IGSF10: variants seen among roughly 807,000 people sequenced by gnomAD.
The protein encoded by IGSF10 is immunoglobulin superfamily member 10, also known as calvaria mechanical force protein 608.
In IGSF10, 126 loss-of-function variants were observed where a neutral mutation model predicts 128.2. The ratio of observed to expected loss-of-function variants is 0.98; its 90% CI spans 0.85 to 1.14. The LOEUF (loss-of-function observed/expected upper bound fraction) is 1.14. Ranked by LOEUF, IGSF10 falls within the 50% of genes most tolerant of loss-of-function variation. The pLI, the probability that IGSF10 is intolerant of heterozygous loss-of-function variation, is 0.00. For synonymous variants in IGSF10, 1,185 were observed against 1,146.2 expected (o/e 1.03, Z -0.68); for missense variants, 3,295 against 3,149.8 (o/e 1.05, Z -1.10).
At chr3:151,520,642 GC>G in the IGSF10 span, among the ~76,000 whole-genome samples, 1 of 151,848 alleles carries the variant, frequency 6.6e-6, no homozygotes, top group South Asian at 2.1e-4. Context: ...AGCTTCCCAG[GC>G]AAAGGAGAAA....
chr3:151,561,113 A>G, the IGSF10 span, among the ~76,000 whole-genome samples: 7 of 152,172 alleles, frequency 4.6e-5, no homozygotes, highest in Non-Finnish European at 1.0e-4. Flanking sequence ...GTTTTCTGTC[A>G]AACATATTAG....
At chr3:151,488,117 C>G in the IGSF10 span, among the ~76,000 whole-genome samples, 2 of 152,114 alleles carry the variant, frequency 1.3e-5, no homozygotes, top group African/African-American at 2.4e-5. Context: ...AGCTGATAAG[C>G]AACTTCAGCA....
rs1199920342 is a variant in IGSF10 at position 151,436,874 on chromosome 3, C to T, written c.7687G>A (p.Glu2563Lys). The change falls in exon 8 of 8, where the codon GAG becomes AAG. Residue 2563 changes from glutamate to lysine, a missense_variant. Transcript: ENST00000282466. The stretch of plus-strand genomic sequence containing the variant: ...GAGAGAAGGGAGTGGTCAGGCATCT[C>T]CCATGTGATTTCTGGCTTGGGAACT... ...LGVPKPEITW[E>K]MPDHSLLSTA... 1.9e-6 allele frequency: 3 copies of T among 1,614,146 alleles called. No homozygotes were observed. The South Asian group carries it at 3.3e-5, about 18-fold the overall frequency.
chr3:151,474,658 A>G, the IGSF10 span, among the ~76,000 whole-genome samples: 1 of 152,224 alleles, frequency 6.6e-6, no homozygotes. Flanking sequence ...TTCAGTTCAT[A>G]TTAGTCCATT....
In IGSF10 at chr3:151,437,087, C is replaced by T; in HGVS notation, c.7474G>A (p.Val2492Ile). 6.2e-7 allele frequency: 1 copy of T among 1,614,178 alleles called. No homozygotes were observed. The change falls in exon 8 of 8, where the codon GTC becomes ATC. Residue 2492 changes from valine (V) to isoleucine (I), a missense_variant. Physicochemically the swap from Val to Ile is conservative, Grantham distance 29. Coordinates refer to ENST00000282466, the MANE Select transcript of IGSF10 (RefSeq NM_178822.5). ...KYILHDNGTL[V>I]IKEATAYDRG... ...TCATAAGCTGTTGCTTCTTTAATGA[C>T]TAAGGTGCCATTGTCATGCAATATG...
At chr3:151,477,461 C>T in the IGSF10 span, among the ~76,000 whole-genome samples, 1 of 152,122 alleles carries the variant, frequency 6.6e-6, no homozygotes, top group Non-Finnish European at 1.5e-5. Flanking sequence ...GATTTATCTT[C>T]ATATACATAA....
At chr3:151,558,029 T>TATATATATATAATATATATATATATTG in the IGSF10 span, among the ~76,000 whole-genome samples, 1 of 65,142 alleles carries the variant, frequency 1.5e-5, no homozygotes, top group East Asian at 3.8e-4. Context: ...ATATATATAT[T>TATATATATATAATATATATATATATTG]GGTACAATAT....
At position 151,437,207 on chromosome 3, in the gene IGSF10, G is replaced by GTGAT. The variant is rs570110855; in HGVS notation, c.7350_7353dup (p.Leu2452IlefsTer7). 1.5e-3 allele frequency: 2,430 copies of GTGAT among 1,614,186 alleles called. 2 individuals carry two copies. The highest frequency in any genetic ancestry group is 1.7e-3 in the Non-Finnish European group (1,980 of 1,180,034). ...GGGATTCCATCAGACACACAATGCA[G>GTGAT]TGATAGAGATTCTCCACTGATGCCT... On this transcript the variant is annotated frameshift_variant, in exon 8 of 8. Transcript: ENST00000282466. LOFTEE classifies it low-confidence loss of function (END_TRUNC).
chr3:151,618,411 T>C, the IGSF10 span, among the ~76,000 whole-genome samples: 2 of 152,188 alleles, frequency 1.3e-5, no homozygotes, highest in African/African-American at 2.4e-5. Context: ...AACTATTTAG[T>C]AATGGACATA....
the IGSF10 span, among the ~76,000 whole-genome samples, chr3:151,569,386 A>G: frequency 6.6e-6 from 1 of 152,270 alleles, no homozygotes; most frequent in South Asian, 2.1e-4. Flanking sequence ...CATCTTTTGA[A>G]TATCACTTGT....
At chr3:151,489,863 T>G in the IGSF10 span, among the ~76,000 whole-genome samples, 1 of 152,032 alleles carries the variant, frequency 6.6e-6, no homozygotes, top group African/African-American at 2.4e-5. Context: ...GGAGAAATAC[T>G]TAATGTAGAT....
the IGSF10 span, among the ~76,000 whole-genome samples, chr3:151,570,022 A>C: frequency 6.6e-6 from 1 of 152,054 alleles, no homozygotes; most frequent in Admixed American, 6.5e-5. Flanking sequence ...GCTGAGAATG[A>C]TGGTTTCTAG....
chr3:151,541,309 C>A, the IGSF10 span, among the ~76,000 whole-genome samples: 1 of 152,100 alleles, frequency 6.6e-6, no homozygotes, highest in African/African-American at 2.4e-5. Flanking sequence ...GACAGTATAT[C>A]TTTACATTAT....
the IGSF10 span, among the ~76,000 whole-genome samples, chr3:151,572,062 G>A: frequency 6.6e-6 from 1 of 152,206 alleles, no homozygotes; most frequent in South Asian, 2.1e-4. Context: ...GCATCCCAGG[G>A]ATGAAGGCGA....
At chr3:151,596,294 G>GT in the IGSF10 span, among the ~76,000 whole-genome samples, 1 of 152,140 alleles carries the variant, frequency 6.6e-6, no homozygotes, top group Non-Finnish European at 1.5e-5. Context: ...AGGAGACCCT[G>GT]TGTGAGATGC....
chr3:151,463,528 T>TTTTTTTTGTTTTTTTTTG (rs1560185445), upstream of IGSF10, among the ~76,000 whole-genome samples: 1 of 56,728 alleles, frequency 1.8e-5, no homozygotes, highest in Non-Finnish European at 3.2e-5. Flanking sequence ...TTCTGGTTTT[T>TTTTTTTTGTTTTTTTTTG]TTTTTTTTTT....
At chr3:151,545,677 T>C in the IGSF10 span, among the ~76,000 whole-genome samples, 1 of 152,214 alleles carries the variant, frequency 6.6e-6, no homozygotes, top group African/African-American at 2.4e-5. Flanking sequence ...CATCTGTTTG[T>C]TATTTATTTA....
the IGSF10 span, among the ~76,000 whole-genome samples, chr3:151,507,453 T>G: frequency 2.0e-5 from 3 of 152,144 alleles, no homozygotes; most frequent in African/African-American, 7.2e-5. Context: ...GATACTGAAA[T>G]ATTGTATTCG....
the IGSF10 span, among the ~76,000 whole-genome samples, chr3:151,586,867 A>AG: frequency 9.9e-4 from 151 of 152,194 alleles, no homozygotes; most frequent in African/African-American, 3.3e-3. Flanking sequence ...GAAAATGGAG[A>AG]GGGGGGGAAA....
Sources: allele counts gnomAD v4.1 joint callset (sites outside exome capture counted in the v4.1 genomes callset), GRCh38; gene constraint gnomAD v4.1.1; transcripts MANE v1.5; gene names NCBI Gene and HGNC (gene_info 2026-07-23, HGNC 2026-07-21).